Variants in COMMD10 observed in about 807,000 individuals in gnomAD.
COMMD10 encodes the protein COMM domain-containing protein 10.
A neutral mutation model predicts 28.9 loss-of-function variants in COMMD10; 33 were observed. That is an observed-to-expected ratio of 1.14 (90% CI 0.87 to 1.53). The LOEUF (loss-of-function observed/expected upper bound fraction) is 1.53. COMMD10 is among the 40% of genes most tolerant of loss of function. COMMD10 has a pLI of 0.00. For missense variants in COMMD10, 310 were observed against 233.4 expected (o/e 1.33, Z -2.14); for synonymous variants, 110 against 81.7 (o/e 1.35, Z -1.87).
At chr5:116,099,895 A>C (rs1342737245) in intron 4 of COMMD10, among the ~76,000 whole-genome samples, 1 of 152,152 alleles carries the variant, frequency 6.6e-6, no homozygotes, top group African/African-American at 2.4e-5. Context: ...CACGTATCTG[A>C]AATGCTTGGG....
intron 4 of COMMD10, among the ~76,000 whole-genome samples, chr5:116,107,171 C>T (rs552538877): frequency 5.9e-5 from 9 of 152,164 alleles, no homozygotes; most frequent in East Asian, 3.9e-4. Context: ...TTGCTCTTCT[C>T]GAGGAGTATC....
At chr5:116,090,737 A>G (rs1356747313) in intron 2 of COMMD10, among the ~76,000 whole-genome samples, 1 of 152,226 alleles carries the variant, frequency 6.6e-6, no homozygotes. Context: ...CAAGAAACAT[A>G]AAAGGACAGA....
chr5:116,255,335 G>T (rs1750251514), intron 5 of COMMD10, among the ~76,000 whole-genome samples: 1 of 151,622 alleles, frequency 6.6e-6, no homozygotes, highest in Admixed American at 6.6e-5. Flanking sequence ...ATTTGATCCT[G>T]TCATTATGAT....
At chr5:116,208,226 T>A (rs912736107) in intron 5 of COMMD10, among the ~76,000 whole-genome samples, 1 of 152,224 alleles carries the variant, frequency 6.6e-6, no homozygotes, top group Non-Finnish European at 1.5e-5. Context: ...CTAACCATGT[T>A]GTAAAAGTGA....
chr5:116,087,062 G>A (rs1371249386), intron 1 of COMMD10, among the ~76,000 whole-genome samples: 1 of 152,192 alleles, frequency 6.6e-6, no homozygotes, highest in East Asian at 1.9e-4. Flanking sequence ...GACCCCAGAT[G>A]ATTTTGTACA....
intron 5 of COMMD10, among the ~76,000 whole-genome samples, chr5:116,255,413 G>A (rs1184331469): frequency 6.6e-6 from 1 of 151,528 alleles, no homozygotes; most frequent in African/African-American, 2.4e-5. Context: ...TTACATTTTG[G>A]CATGATTTTG....
At chr5:116,153,463 G>T (rs1207793119) in intron 5 of COMMD10, among the ~76,000 whole-genome samples, 1 of 152,100 alleles carries the variant, frequency 6.6e-6, no homozygotes, top group African/African-American at 2.4e-5. Flanking sequence ...TGAGGGTCTT[G>T]ATAGCTGCAG....
intron 5 of COMMD10, among the ~76,000 whole-genome samples, chr5:116,201,034 C>G (rs1748652035): frequency 6.6e-6 from 1 of 152,106 alleles, no homozygotes; most frequent in African/African-American, 2.4e-5. Flanking sequence ...ACAAGTGCTT[C>G]TCAGTTTTTT....
At chr5:116,278,365 C>G (rs939921619) in intron 5 of COMMD10, among the ~76,000 whole-genome samples, 1 of 151,758 alleles carries the variant, frequency 6.6e-6, no homozygotes, top group Non-Finnish European at 1.5e-5. Flanking sequence ...GGCATATCAG[C>G]ACACACATAA....
intron 5 of COMMD10, among the ~76,000 whole-genome samples, chr5:116,193,143 A>G (rs1244886384): frequency 6.6e-6 from 1 of 152,218 alleles, no homozygotes; most frequent in Non-Finnish European, 1.5e-5. Context: ...CCACCACTAC[A>G]GGAACTGCTA....
chr5:116,261,607 A>C (rs537270992), intron 5 of COMMD10, among the ~76,000 whole-genome samples: 2 of 151,848 alleles, frequency 1.3e-5, no homozygotes, highest in Non-Finnish European at 1.5e-5. Context: ...TGACCAAAAC[A>C]CTTGACTCCT....
chr5:116,232,781 G>A (rs1427807283), intron 5 of COMMD10, among the ~76,000 whole-genome samples: 1 of 152,148 alleles, frequency 6.6e-6, no homozygotes, highest in East Asian at 1.9e-4. Context: ...CATTAGACAT[G>A]AAATTACAGA....
chr5:116,248,760 A>C (rs951571316), intron 5 of COMMD10, among the ~76,000 whole-genome samples: 4 of 151,982 alleles, frequency 2.6e-5, no homozygotes, highest in Non-Finnish European at 5.9e-5. Context: ...AAATAAAAAC[A>C]AAATGTGTCA....
intron 5 of COMMD10, among the ~76,000 whole-genome samples, chr5:116,287,542 C>G (rs1209573807): frequency 6.6e-6 from 1 of 151,630 alleles, no homozygotes; most frequent in Non-Finnish European, 1.5e-5. Flanking sequence ...CAGCCTGTAT[C>G]TTTTGATTGG....
intron 5 of COMMD10, among the ~76,000 whole-genome samples, chr5:116,143,564 G>C (rs898312604): frequency 1.3e-5 from 2 of 151,596 alleles, no homozygotes; most frequent in Non-Finnish European, 2.9e-5. Context: ...GAAACCCAGA[G>C]GCAGTTGATA....
At chr5:116,118,000 T>A (rs987061772) in intron 4 of COMMD10, among the ~76,000 whole-genome samples, 19 of 152,164 alleles carry the variant, frequency 1.2e-4, no homozygotes, top group Non-Finnish European at 1.0e-4. Context: ...GTTCTTACAA[T>A]TGTCTTTAAG....
At chr5:116,183,429 A>C (rs934984322) in intron 5 of COMMD10, among the ~76,000 whole-genome samples, 2 of 152,160 alleles carry the variant, frequency 1.3e-5, no homozygotes, top group Non-Finnish European at 2.9e-5. Context: ...CATTAAAATG[A>C]AATTCAATCT....
At chr5:116,167,617 G>A (rs1162638206) in intron 5 of COMMD10, among the ~76,000 whole-genome samples, 1 of 152,194 alleles carries the variant, frequency 6.6e-6, no homozygotes, top group African/African-American at 2.4e-5. Context: ...AAGCCCATCA[G>A]ACTAACAGCG....
At chr5:116,099,456 A>T (rs10079903) in intron 4 of COMMD10, among the ~76,000 whole-genome samples, 77,802 of 151,762 alleles carry the variant, frequency 0.51, 22,102 homozygotes, top group Non-Finnish European at 0.65. Flanking sequence ...TTTGCGTATA[A>T]ACCAGGAGTG....
Sources: allele counts gnomAD v4.1 joint callset (sites outside exome capture counted in the v4.1 genomes callset), GRCh38; gene constraint gnomAD v4.1.1; transcripts MANE v1.5; gene names NCBI Gene and HGNC (gene_info 2026-07-23, HGNC 2026-07-21).